Variants in STARD3NL observed in about 807,000 individuals in gnomAD.
STARD3NL encodes STARD3 N-terminal like.
A neutral mutation model predicts 30.9 loss-of-function variants in STARD3NL; 17 were observed. The ratio of observed to expected loss-of-function variants is 0.55; its 90% CI spans 0.38 to 0.82. The LOEUF (loss-of-function observed/expected upper bound fraction) is 0.82, where lower values mean the gene tolerates loss of function less well. Among genes scored for constraint, STARD3NL ranks in the 40% least tolerant of loss-of-function variants. The pLI is 0.00. For synonymous variants in STARD3NL, 112 were observed against 100.5 expected, an observed-to-expected ratio of 1.11 and a Z score of -0.69; for missense variants, 234 against 277.6, an observed-to-expected ratio of 0.84 and a Z score of 1.12.
intron 1 of STARD3NL, among the ~76,000 whole-genome samples, chr7:38,197,275 G>A (rs775944445): frequency 6.7e-6 from 1 of 148,594 alleles, no homozygotes; most frequent in Non-Finnish European, 1.5e-5. Context: ...TCCCAAGCTA[G>A]AGTGCAGTGG....
intron 7 of STARD3NL, among the ~76,000 whole-genome samples, chr7:38,222,911 A>G (rs1562626401): frequency 6.6e-6 from 1 of 152,190 alleles, no homozygotes; most frequent in African/African-American, 2.4e-5. Flanking sequence ...ATGCCTAGAA[A>G]AAAAAGACTA....
At chr7:38,226,666 A>T (rs908193351) in intron 7 of STARD3NL, among the ~76,000 whole-genome samples, 8 of 152,308 alleles carry the variant, frequency 5.3e-5, no homozygotes, top group African/African-American at 1.9e-4. Flanking sequence ...CTGTGCATGG[A>T]GACAACACCA....
chr7:38,196,545 C>T (rs1389656954), intron 1 of STARD3NL, among the ~76,000 whole-genome samples: 1 of 152,086 alleles, frequency 6.6e-6, no homozygotes, highest in Non-Finnish European at 1.5e-5. Flanking sequence ...CATACATAAA[C>T]TTCTTTTTCT....
chr7:38,197,068 C>T (rs1415749141), intron 1 of STARD3NL, among the ~76,000 whole-genome samples: 1 of 152,156 alleles, frequency 6.6e-6, no homozygotes, highest in African/African-American at 2.4e-5. Context: ...CATGCATCAG[C>T]TCCCTAACCT....
intron 2 of STARD3NL, among the ~76,000 whole-genome samples, chr7:38,209,820 G>C (rs1432819484): frequency 6.6e-6 from 1 of 151,944 alleles, no homozygotes; most frequent in African/African-American, 2.4e-5. Flanking sequence ...GCTGCCCCCT[G>C]TTCTTGTTCA....
intron 7 of STARD3NL, among the ~76,000 whole-genome samples, chr7:38,226,362 A>G (rs1786769521): frequency 6.6e-6 from 1 of 151,798 alleles, no homozygotes; most frequent in African/African-American, 2.4e-5. Flanking sequence ...TTTATTGTCC[A>G]TTAATTCTTG....
chr7:38,180,655 T>A lies in STARD3NL; in HGVS notation c.-59+2235T>A, dbSNP rs115466525. ...TGAGCTAGTACTGATGGAGCTTGTA[T>A]TTGAACTCCCATTAGGTTTACTTCA... is the stretch of plus-strand genomic sequence containing the variant. On this transcript the variant is annotated intron_variant, in intron 1 of 8. Transcript: ENST00000009041. Among the ~76,000 whole-genome samples, 268 of 152,352 alleles carry A rather than the reference T, an allele frequency of 1.8e-3. 1 individual carries two copies. The highest frequency in any genetic ancestry group is 6.2e-3 in the African/African-American group (256 of 41,580).
At chr7:38,189,552 C>T (rs1014185809) in intron 1 of STARD3NL, among the ~76,000 whole-genome samples, 2 of 152,144 alleles carry the variant, frequency 1.3e-5, no homozygotes, top group East Asian at 1.9e-4. Flanking sequence ...ATGTTGTACA[C>T]GTTTTTACTA....
chr7:38,182,048 A>G (rs1368886188), intron 1 of STARD3NL, among the ~76,000 whole-genome samples: 1 of 152,222 alleles, frequency 6.6e-6, no homozygotes, highest in Non-Finnish European at 1.5e-5. Context: ...CTTTGACACC[A>G]GTTACCAATC....
chr7:38,212,724 A>AC (rs1044291700), intron 2 of STARD3NL, among the ~76,000 whole-genome samples: 3 of 152,178 alleles, frequency 2.0e-5, no homozygotes, highest in South Asian at 4.1e-4. Context: ...GAAGGAAAGA[A>AC]CTAACCTGAG....
At chr7:38,222,746 A>G (rs966698840) in intron 7 of STARD3NL, among the ~76,000 whole-genome samples, 11 of 152,198 alleles carry the variant, frequency 7.2e-5, no homozygotes, top group Admixed American at 6.5e-4. Context: ...AAACATTTTC[A>G]TGGTGTTCCA....
At chr7:38,201,383 T>G (rs771125245) in intron 1 of STARD3NL, among the ~76,000 whole-genome samples, 5 of 152,206 alleles carry the variant, frequency 3.3e-5, no homozygotes, top group Non-Finnish European at 5.9e-5. Context: ...TTCACATTTC[T>G]GAGATTGATA....
Position 38,215,139 on chromosome 7 carries a change from CCAGT to C in STARD3NL, c.381+35_381+38del, listed in dbSNP as rs1786031231. On this transcript the variant is annotated intron_variant, in intron 4 of 8. Coordinates refer to ENST00000009041, the MANE Select transcript of STARD3NL (RefSeq NM_032016.4). ...GCCCTGCATGAGTGGGTCATCTCCT[CCAGT>C]GCTGGTGGCCAAGTCCTGCTCTCAA... The C allele has an allele frequency of 3.1e-6, 5 of 1,603,892 alleles. No homozygotes were observed. In the East Asian group the frequency reaches 1.1e-4, roughly 36 times the overall value.
chr7:38,180,639 A>G (rs1039398152), intron 1 of STARD3NL, among the ~76,000 whole-genome samples: 7 of 152,226 alleles, frequency 4.6e-5, no homozygotes, highest in Non-Finnish European at 1.0e-4. Context: ...CTGAGCTAGT[A>G]CTGATGGAGC....
intron 7 of STARD3NL, among the ~76,000 whole-genome samples, chr7:38,222,621 T>C (rs897487379): frequency 6.6e-6 from 1 of 152,222 alleles, no homozygotes; most frequent in Non-Finnish European, 1.5e-5. Flanking sequence ...CAAGCATGCC[T>C]CATCAAACTT....
chr7:38,196,452 T>C (rs1249255683), intron 1 of STARD3NL, among the ~76,000 whole-genome samples: 1 of 152,240 alleles, frequency 6.6e-6, no homozygotes, highest in Non-Finnish European at 1.5e-5. Flanking sequence ...TTTAATAGTG[T>C]AACTCTCAGT....
Position 38,227,032 on chromosome 7 carries a change from A to T in STARD3NL, c.650-1767A>T, listed in dbSNP as rs535026999. ...GCTTTTGGTCATTTCTCCAGTGGTG[A>T]GATGGCTAGTTTTGCCCATTTTGCC... On this transcript the variant is annotated intron_variant, in intron 7 of 8. Transcript: ENST00000009041. Among the ~76,000 whole-genome samples the T allele has an allele frequency of 3.3e-5, 5 of 152,310 alleles. No individual in the cohort carries two copies. The South Asian group carries it at 1.0e-3, about 32-fold the overall frequency.
intron 1 of STARD3NL, among the ~76,000 whole-genome samples, chr7:38,196,865 G>GT (rs1161968343): frequency 3.3e-5 from 5 of 152,210 alleles, no homozygotes; most frequent in African/African-American, 1.2e-4. Flanking sequence ...TTAAACCCCT[G>GT]TTTTTTTCTG....
At chr7:38,203,755 A>C (rs571322243) in intron 1 of STARD3NL, among the ~76,000 whole-genome samples, 1 of 152,220 alleles carries the variant, frequency 6.6e-6, no homozygotes, top group Non-Finnish European at 1.5e-5. Flanking sequence ...AGAGACACAC[A>C]TAGGCTCAAA....
Sources: allele counts gnomAD v4.1 joint callset (sites outside exome capture counted in the v4.1 genomes callset), GRCh38; gene constraint gnomAD v4.1.1; transcripts MANE v1.5; gene names NCBI Gene and HGNC (gene_info 2026-07-23, HGNC 2026-07-21).